The following TNR variants were observed in gnomAD, a reference collection of about 807,000 sequenced individuals.
The protein encoded by TNR is tenascin R.
TNR carries 45 observed loss-of-function variants against 150.4 expected under a neutral mutation model. The observed-to-expected ratio is 0.30, with a 90% CI of 0.24 to 0.38. The LOEUF (loss-of-function observed/expected upper bound fraction) is 0.38, where lower values mean the gene tolerates loss of function less well. Among genes scored for constraint, TNR ranks in the 10% least tolerant of loss-of-function variants. TNR has a pLI of 1.00. For synonymous variants in TNR, 687 were observed against 678.4 expected (o/e 1.01, Z -0.20); for missense variants, 1,544 against 1,759.1 (o/e 0.88, Z 2.19).
At chr1:175,562,437 A>G (rs1171898870) in intron 1 of TNR, among the ~76,000 whole-genome samples, 3 of 152,254 alleles carry the variant, frequency 2.0e-5, no homozygotes, top group African/African-American at 7.2e-5. Context: ...CAAGGCTGAG[A>G]TAATTTAAGC....
At chr1:175,405,116 G>A (rs1239037094) in intron 3 of TNR, among the ~76,000 whole-genome samples, 1 of 152,206 alleles carries the variant, frequency 6.6e-6, no homozygotes, top group African/African-American at 2.4e-5. Context: ...TTGAACTCAA[G>A]ACAAATGCCT....
At chr1:175,385,267 G>A (rs906808610) in intron 8 of TNR, among the ~76,000 whole-genome samples, 2 of 152,222 alleles carry the variant, frequency 1.3e-5, no homozygotes, top group Admixed American at 1.3e-4. Context: ...GATGGTGCCT[G>A]TCCTACTAGC....
intron 2 of TNR, among the ~76,000 whole-genome samples, chr1:175,525,458 G>A (rs973018442): frequency 3.3e-5 from 5 of 152,110 alleles, no homozygotes; most frequent in East Asian, 1.9e-4. Context: ...GTTTTACCAC[G>A]CAGGAAAGCA....
At chr1:175,508,149 A>ACGTCATGT (rs1659032095) in intron 2 of TNR, among the ~76,000 whole-genome samples, 1 of 152,154 alleles carries the variant, frequency 6.6e-6, no homozygotes, top group African/African-American at 2.4e-5. Flanking sequence ...TAGGACAGAT[A>ACGTCATGT]CGTCATGTAT....
intron 2 of TNR, among the ~76,000 whole-genome samples, chr1:175,459,342 T>G (rs1656715174): frequency 6.6e-6 from 1 of 152,106 alleles, no homozygotes; most frequent in African/African-American, 2.4e-5. Context: ...CTACCACCAT[T>G]ACCACTGCCA....
intron 1 of TNR, among the ~76,000 whole-genome samples, chr1:175,649,588 G>A (rs891657456): frequency 3.9e-5 from 6 of 152,066 alleles, no homozygotes. Flanking sequence ...CCCAATACAA[G>A]AGTGACCACC....
At chr1:175,443,652 T>C (rs1214995001) in intron 2 of TNR, among the ~76,000 whole-genome samples, 1 of 152,104 alleles carries the variant, frequency 6.6e-6, no homozygotes, top group East Asian at 1.9e-4. Context: ...TACATTTCTC[T>C]GCCAGAACCA....
At chr1:175,379,141 T>G (rs1471254459) in intron 9 of TNR, among the ~76,000 whole-genome samples, 2 of 140,710 alleles carry the variant, frequency 1.4e-5, no homozygotes, top group Non-Finnish European at 3.0e-5. Context: ...ATCACACCAC[T>G]GCACTCCAGC....
In TNR at chr1:175,403,128, TCCCCTGCCTAC is replaced by T; in HGVS notation, c.976+1_976+11del. ...ACCCTTGCCAAACACCCCAGAGAGTTCCCCTGCCTACCTGCTGAGCAGTCAGGGCCCTGGTA... is the reference window on the plus strand; with the variant it reads ...ACCCTTGCCAAACACCCCAGAGAGTTCTGCTGAGCAGTCAGGGCCCTGGTA... On this transcript the variant is annotated splice_donor_variant and splice_donor_5th_base_variant and intron_variant, in intron 4 of 22. Transcript: ENST00000367674. LOFTEE classifies it high-confidence loss of function. 6.2e-7 allele frequency: 1 copy of T among 1,600,762 alleles called. No individual in the cohort carries two copies. The highest frequency in any genetic ancestry group is 8.5e-7 in the Non-Finnish European group (1 of 1,170,114).
At chr1:175,475,697 G>T (rs1409814447) in intron 2 of TNR, among the ~76,000 whole-genome samples, 1 of 152,024 alleles carries the variant, frequency 6.6e-6, no homozygotes, top group Non-Finnish European at 1.5e-5. Flanking sequence ...AATCCAGATT[G>T]CTTCCTTCAA....
intron 2 of TNR, among the ~76,000 whole-genome samples, chr1:175,497,174 C>A (rs147049014): frequency 6.6e-6 from 1 of 152,296 alleles, no homozygotes; most frequent in East Asian, 1.9e-4. Flanking sequence ...TACTTACAAC[C>A]TGATTTTCCA....
chr1:175,606,657 C>T (rs1213892215), intron 1 of TNR, among the ~76,000 whole-genome samples: 1 of 152,126 alleles, frequency 6.6e-6, no homozygotes, highest in Non-Finnish European at 1.5e-5. Context: ...CAGAGCAGCT[C>T]TGTTGATGCT....
chr1:175,614,337 C>T lies in TNR; in HGVS notation c.-164-85968G>A, dbSNP rs554548780. Among the ~76,000 whole-genome samples, 164 of 152,182 alleles carry T rather than the reference C, an allele frequency of 1.1e-3. 1 individual carries two copies. Among genetic ancestry groups the T allele is most frequent in the African/African-American group, 3.8e-3 (157 of 41,530 alleles). ...ATGGGCTTTAAGTGAGCCAGGCACC[C>T]TAGGTCAGGAGGGAGAGGGTTTTCT... On this transcript the variant is annotated intron_variant, in intron 1 of 22. Transcript: ENST00000367674.
At chr1:175,403,905 T>C (rs963474674) in intron 3 of TNR, among the ~76,000 whole-genome samples, 1 of 152,166 alleles carries the variant, frequency 6.6e-6, no homozygotes, top group Non-Finnish European at 1.5e-5. Context: ...AAGTAGGTCT[T>C]TGCTAAAGAT....
At chr1:175,481,800 T>C (rs1657819754) in intron 2 of TNR, among the ~76,000 whole-genome samples, 1 of 152,194 alleles carries the variant, frequency 6.6e-6, no homozygotes, top group Non-Finnish European at 1.5e-5. Context: ...GAATAGGAAC[T>C]TGGGAATCTA....
In TNR at chr1:175,711,395, G is replaced by A. The variant is rs1478524836; in HGVS notation, c.-165+31831C>T. On this transcript the variant is annotated intron_variant, in intron 1 of 22. Coordinates refer to ENST00000367674, the MANE Select transcript of TNR (RefSeq NM_003285.3). ...GCATGCCTGCCACATTCAAGGAACAGGAAGGAGGCCAGTGTGGCAGGAGTG... is the reference window on the plus strand; with the variant it reads ...GCATGCCTGCCACATTCAAGGAACAAGAAGGAGGCCAGTGTGGCAGGAGTG... 4.6e-5 allele frequency among the ~76,000 whole-genome samples: 7 copies of A among 152,180 alleles called. No individual in the cohort carries two copies. In the South Asian group the frequency reaches 8.3e-4, roughly 18 times the overall value.
intron 1 of TNR, among the ~76,000 whole-genome samples, chr1:175,600,487 ATG>A: frequency 6.6e-6 from 1 of 152,222 alleles, no homozygotes; most frequent in Admixed American, 6.5e-5. Flanking sequence ...GCTTCTGTTT[ATG>A]TCTATACATG....
intron 13 of TNR, 35 bp downstream of exon 13, chr1:175,363,673 C>G: frequency 6.2e-7 from 1 of 1,606,026 alleles, no homozygotes; most frequent in Non-Finnish European, 8.5e-7. Context: ...TCACCCAAAT[C>G]CTAGTATCTT....
intron 1 of TNR, among the ~76,000 whole-genome samples, chr1:175,698,049 C>T (rs1411160308): frequency 6.6e-6 from 1 of 152,208 alleles, no homozygotes; most frequent in Non-Finnish European, 1.5e-5. Context: ...TCTGAACCTA[C>T]CCTCTGTGTT....
Sources: allele counts gnomAD v4.1 joint callset (sites outside exome capture counted in the v4.1 genomes callset), GRCh38; gene constraint gnomAD v4.1.1; transcripts MANE v1.5; gene names NCBI Gene and HGNC (gene_info 2026-07-23, HGNC 2026-07-21).